OFD1: variants seen among roughly 807,000 people sequenced by gnomAD.
OFD1 encodes the protein OFD1 centriole and centriolar satellite protein.
In OFD1, 12 loss-of-function variants were observed where a neutral mutation model predicts 81.4. That is an observed-to-expected ratio of 0.15 (90% CI 0.09 to 0.24). The LOEUF is 0.24. Ranked by LOEUF, OFD1 falls within the 10% of genes least tolerant of loss-of-function variation. The pLI, the probability that OFD1 is intolerant of heterozygous loss-of-function variation, is 1.00. For synonymous variants in OFD1, 256 were observed against 263.7 expected (o/e 0.97, Z 0.28); for missense variants, 685 against 733.9 (o/e 0.93, Z 0.77).
Position 13,746,518 on chromosome X carries a change from C to T in OFD1, c.654+63C>T. 5 of 1,128,065 alleles carry T rather than the reference C, an allele frequency of 4.4e-6. No homozygotes were observed. The South Asian group carries it at 9.2e-5, about 21-fold the overall frequency. 93.0% of individuals were successfully genotyped at this position (1,128,065 alleles called of 1,213,427 possible). On this transcript the variant is annotated intron_variant, in intron 7 of 22. Coordinates refer to ENST00000340096, the MANE Select transcript of OFD1 (RefSeq NM_003611.3). ...TTTTGTTTGTCTTCTAAAGTCTTAA[C>T]CATAGGTATATGGGAAAATATCTAG...
At chrX:13,752,098 C>T (rs182734726) in intron 10 of OFD1, among the ~76,000 whole-genome samples, 2 of 112,035 alleles carry the variant, frequency 1.8e-5, no homozygotes, top group East Asian at 2.8e-4. Flanking sequence ...TGTCAGTGAA[C>T]ATGTGCCTTG....
At chrX:13,754,673 G>T (rs2047635110) in intron 11 of OFD1, among the ~76,000 whole-genome samples, 1 of 112,436 alleles carries the variant, frequency 8.9e-6, no homozygotes, top group Admixed American at 9.4e-5. Context: ...CTCCCAAAGT[G>T]CTGGGATTAC....
At chrX:13,762,100 ATTC>A (rs2047957740) in intron 17 of OFD1, among the ~76,000 whole-genome samples, 1 of 110,783 alleles carries the variant, frequency 9.0e-6, no homozygotes, top group African/African-American at 3.3e-5. Flanking sequence ...GTACAACATT[ATTC>A]TTTATTAACA....
downstream of OFD1, chrX:13,772,889 A>T (rs1472055900): frequency 8.3e-7 from 1 of 1,208,727 alleles, no homozygotes; most frequent in Non-Finnish European, 1.1e-6. Context: ...ATTTATGTGT[A>T]AGAATTGAGT....
intron 17 of OFD1, 139 bp downstream of exon 17, chrX:13,761,350 T>A: frequency 1.6e-6 from 1 of 638,431 alleles, no homozygotes. Context: ...TGCAATCAGA[T>A]TGCAAAATGA....
chrX:13,741,138 C>CA (rs35393754), intron 5 of OFD1, among the ~76,000 whole-genome samples: 976 of 97,365 alleles, frequency 0.01, 5 homozygotes, highest in Middle Eastern at 0.015. Flanking sequence ...GACTCCGTCT[C>CA]AAAAAAAAAA....
At chrX:13,727,915 GATATCACCAC>G in the OFD1 span, among the ~76,000 whole-genome samples, 205 of 111,455 alleles carry the variant, frequency 1.8e-3, 1 homozygote, top group African/African-American at 6.0e-3. Flanking sequence ...TGATAAAGGG[GATATCACCAC>G]CGATCCCACA....
chrX:13,721,129 T>C, the OFD1 span: 3 of 110,731 alleles, frequency 2.7e-5, no homozygotes, highest in African/African-American at 9.9e-5. Flanking sequence ...AATTGAAATC[T>C]AGATGAATGA....
chrX:13,720,098 G>T, the OFD1 span: 3 of 504,354 alleles, frequency 5.9e-6, no homozygotes, highest in East Asian at 4.0e-5. Context: ...AGAGGAAGAT[G>T]CTACTAAGCT....
intron 5 of OFD1, 44 bp downstream of exon 5, chrX:13,739,076 G>A: frequency 8.8e-7 from 1 of 1,131,392 alleles, no homozygotes; most frequent in Non-Finnish European, 1.2e-6. Flanking sequence ...AGTTTTCTAT[G>A]TACTTTTTCC....
chrX:13,728,490 C>T, the OFD1 span, among the ~76,000 whole-genome samples: 27 of 111,867 alleles, frequency 2.4e-4, no homozygotes, highest in African/African-American at 7.8e-4. Context: ...ACAGAACCAA[C>T]GACAAAATCC....
upstream of OFD1, chrX:13,734,225 T>G (rs147613914): frequency 1.1e-3 from 479 of 425,183 alleles, 7 homozygotes; most frequent in East Asian, 0.013. Flanking sequence ...AAACCTACAA[T>G]GCACAGGACA....
At chrX:13,747,009 G>C in intron 8 of OFD1, 56 bp downstream of exon 8, 1 of 1,078,149 alleles carries the variant, frequency 9.3e-7, no homozygotes. Context: ...TAGTAGGTTG[G>C]CTCGAGATCC....
upstream of OFD1, chrX:13,734,133 C>A: frequency 2.0e-6 from 1 of 510,696 alleles, no homozygotes; most frequent in South Asian, 2.5e-5. Flanking sequence ...AAGAGGACAT[C>A]TGGCAATATC....
downstream of OFD1, among the ~76,000 whole-genome samples, chrX:13,770,609 A>G (rs766978070): frequency 5.9e-4 from 66 of 112,353 alleles, no homozygotes; most frequent in African/African-American, 1.9e-3. Flanking sequence ...AACTACACAC[A>G]TGCCCTTATT....
the OFD1 span, among the ~76,000 whole-genome samples, chrX:13,724,197 G>A: frequency 9.1e-6 from 1 of 110,405 alleles, no homozygotes. Flanking sequence ...GGGAAACCTG[G>A]GCTTTTGAGA....
At chrX:13,754,148 A>T in intron 11 of OFD1, among the ~76,000 whole-genome samples, 1 of 110,439 alleles carries the variant, frequency 9.1e-6, no homozygotes, top group Non-Finnish European at 1.9e-5. Flanking sequence ...CGCCCGGCTA[A>T]TTTTTTGTAT....
intron 10 of OFD1, chrX:13,752,703 G>A (rs1291963216): frequency 9.3e-6 from 9 of 969,928 alleles, no homozygotes; most frequent in Non-Finnish European, 1.2e-5. Flanking sequence ...CATTGTGACA[G>A]CTTCCACAGG....
intron 17 of OFD1, among the ~76,000 whole-genome samples, 163 bp from the exon 18 acceptor site, chrX:13,762,181 T>C (rs1037513743): frequency 5.4e-5 from 6 of 111,728 alleles, no homozygotes; most frequent in African/African-American, 2.0e-4. Context: ...TATTAATTGC[T>C]GAGAACAATG....
Sources: allele counts gnomAD v4.1 joint callset (sites outside exome capture counted in the v4.1 genomes callset), GRCh38; gene constraint gnomAD v4.1.1; transcripts MANE v1.5; gene names NCBI Gene and HGNC (gene_info 2026-07-23, HGNC 2026-07-21).